MLLT1: variants seen among roughly 807,000 people sequenced by gnomAD.
MLLT1 encodes the protein protein ENL.
In MLLT1, 11 loss-of-function variants were observed where a neutral mutation model predicts 55.1. That is an observed-to-expected ratio of 0.20 (90% CI 0.13 to 0.33). MLLT1 has a LOEUF of 0.33. Ranked by LOEUF, MLLT1 falls within the 10% of genes least tolerant of loss-of-function variation. MLLT1 has a pLI of 1.00. For synonymous variants in MLLT1, 323 were observed against 320.1 expected, an observed-to-expected ratio of 1.01 and a Z score of -0.10; for missense variants, 536 against 760.6, an observed-to-expected ratio of 0.70 and a Z score of 3.47.
intron 2 of MLLT1, among the ~76,000 whole-genome samples, chr19:6,267,343 AT>A (rs1225692040): frequency 6.6e-6 from 1 of 151,566 alleles, no homozygotes; most frequent in Non-Finnish European, 1.5e-5. Flanking sequence ...ACCTCAGGTG[AT>A]CCACCCGTCT....
rs141540024 is a variant in MLLT1 at position 6,211,348 on chromosome 19, G to A, written c.*1694C>T. 33 of 233,048 alleles carry A rather than the reference G, an allele frequency of 1.4e-4. No individual in the cohort carries two copies. Among genetic ancestry groups the A allele is most frequent in the African/African-American group, 2.9e-4 (13 of 45,396 alleles). 14.4% of individuals were successfully genotyped at this position (233,048 alleles called of 1,614,324 possible). Reference sequence around the variant, plus strand: ...AACAGAGCAGGTGGCGAGGAGTCCCGGAGGCTTCCTCCGAAGGTTCTCGGG... The same window carrying A: ...AACAGAGCAGGTGGCGAGGAGTCCCAGAGGCTTCCTCCGAAGGTTCTCGGG... On this transcript the variant is annotated 3_prime_UTR_variant, in exon 12 of 12. Transcript: ENST00000252674. The surrounding 1 kb of genome is among the most constrained non-coding windows in gnomAD (Gnocchi z 4.6).
At chr19:6,215,543 C>T (rs1049859436) in intron 8 of MLLT1, among the ~76,000 whole-genome samples, 18 of 152,312 alleles carry the variant, frequency 1.2e-4, no homozygotes, top group African/African-American at 4.1e-4. Flanking sequence ...GCTGGCCTGG[C>T]GCGCTGCACA....
intron 1 of MLLT1, among the ~76,000 whole-genome samples, chr19:6,272,083 A>G (rs181021444): frequency 0.02 from 1,601 of 79,964 alleles, 29 homozygotes; most frequent in African/African-American, 0.067. Flanking sequence ...TATCGCCCCC[A>G]CCCCCGCCCG....
At position 6,211,844 on chromosome 19, in the gene MLLT1, T is replaced by C. The variant is rs2090775520; in HGVS notation, c.*1198A>G. On this transcript the variant is annotated 3_prime_UTR_variant, in exon 12 of 12. Coordinates refer to ENST00000252674, the MANE Select transcript of MLLT1 (RefSeq NM_005934.4). This position sits in a 1 kb window ranked among gnomAD's most constrained non-coding sequence, Gnocchi z 4.6. ...CTTGGCCCCTGGAGAATCTCAGGCA[T>C]ACCAGGAGTGGGGCTGCGGGCGCGG... 17 of 1,063,088 alleles carry C rather than the reference T, an allele frequency of 1.6e-5. No individual in the cohort carries two copies. The highest frequency in any genetic ancestry group is 3.3e-5 in the African/African-American group (2 of 60,896). 65.9% of individuals were successfully genotyped at this position (1,063,088 alleles called of 1,614,324 possible).
intron 1 of MLLT1, among the ~76,000 whole-genome samples, chr19:6,271,698 A>G (rs2091396193): frequency 6.6e-6 from 1 of 152,184 alleles, no homozygotes; most frequent in Admixed American, 6.5e-5. Flanking sequence ...CGGCCCTGAC[A>G]CCCGCTATCA....
chr19:6,243,893 A>G (rs1191955985), intron 3 of MLLT1, among the ~76,000 whole-genome samples: 1 of 151,794 alleles, frequency 6.6e-6, no homozygotes, highest in African/African-American at 2.4e-5. Flanking sequence ...AATACAAAAA[A>G]ATTAGCCAGG....
Position 6,216,353 on chromosome 19 carries a change from G to A in MLLT1, c.1307+52C>T, listed in dbSNP as rs897138455. On this transcript the variant is annotated intron_variant, in intron 8 of 11. Coordinates refer to ENST00000252674, the MANE Select transcript of MLLT1 (RefSeq NM_005934.4). ...CCCCACAATCACTGCAGACCCAGCCGGAGTCGCCCCGGGTGGCCGCCTCCG... is the reference window on the plus strand; with the variant it reads ...CCCCACAATCACTGCAGACCCAGCCAGAGTCGCCCCGGGTGGCCGCCTCCG... The A allele has an allele frequency of 2.2e-5, 29 of 1,344,110 alleles. No individual in the cohort carries two copies. The East Asian group carries it at 2.2e-4, about 10-fold the overall frequency. 83.3% of individuals were successfully genotyped at this position (1,344,110 alleles called of 1,614,324 possible). A position where few individuals can be genotyped will look rare whatever the true frequency, so the allele number is the denominator to read the frequency against.
At chr19:6,224,581 G>A (rs2090935728) in intron 5 of MLLT1, among the ~76,000 whole-genome samples, 1 of 152,250 alleles carries the variant, frequency 6.6e-6, no homozygotes, top group Non-Finnish European at 1.5e-5. Context: ...CCCTAACACA[G>A]GTCTCACTGT....
rs570177885 is a variant in MLLT1 at position 6,219,142 on chromosome 19, G to C, written c.1111-1101C>G. Among the ~76,000 whole-genome samples the C allele has an allele frequency of 6.6e-6, 1 of 152,240 alleles. No individual in the cohort carries two copies. The highest frequency in any genetic ancestry group is 2.1e-4 in the South Asian group (1 of 4,826). On this transcript the variant is annotated intron_variant, in intron 6 of 11. Transcript: ENST00000252674. The surrounding 1 kb of genome is among the most constrained non-coding windows in gnomAD (Gnocchi z 4.5). ...GAGACAGCCTCCACCCTGCAGAAGGGTCCCCACGAAAGCCCAAGGCCTCCC... is the reference window on the plus strand; with the variant it reads ...GAGACAGCCTCCACCCTGCAGAAGGCTCCCCACGAAAGCCCAAGGCCTCCC...
chr19:6,271,939 T>C (rs1488097047), intron 1 of MLLT1, among the ~76,000 whole-genome samples: 4 of 152,248 alleles, frequency 2.6e-5, no homozygotes, highest in African/African-American at 7.2e-5. Flanking sequence ...CTGTCTCTTC[T>C]TTGGCATTTC....
intron 8 of MLLT1, among the ~76,000 whole-genome samples, chr19:6,214,686 C>T (rs1176287845): frequency 6.6e-6 from 1 of 152,184 alleles, no homozygotes; most frequent in Non-Finnish European, 1.5e-5. Context: ...CCATTTTTCT[C>T]TCACTCTGCG....
chr19:6,245,381 C>T (rs562635389), intron 3 of MLLT1, among the ~76,000 whole-genome samples: 9 of 151,502 alleles, frequency 5.9e-5, no homozygotes, highest in Admixed American at 1.3e-4. Context: ...TATAAGCCGC[C>T]GTGCCCAGCC....
At chr19:6,241,092 G>A (rs1218337174) in intron 3 of MLLT1, among the ~76,000 whole-genome samples, 1 of 152,202 alleles carries the variant, frequency 6.6e-6, no homozygotes, top group Non-Finnish European at 1.5e-5. Flanking sequence ...GCCCATGAAA[G>A]TCACCGGCCC....
intron 3 of MLLT1, among the ~76,000 whole-genome samples, chr19:6,232,952 C>T (rs1465262581): frequency 1.3e-5 from 2 of 152,216 alleles, no homozygotes; most frequent in African/African-American, 2.4e-5. Flanking sequence ...GGGAACACTG[C>T]TGAGAAGCTC....
intron 3 of MLLT1, among the ~76,000 whole-genome samples, chr19:6,243,154 G>A (rs2091131738): frequency 1.3e-5 from 2 of 152,242 alleles, no homozygotes; most frequent in African/African-American, 2.4e-5. Flanking sequence ...AAGCGGGAAC[G>A]TGGCGGGGTC....
At chr19:6,233,457 C>T (rs923222342) in intron 3 of MLLT1, among the ~76,000 whole-genome samples, 3 of 152,172 alleles carry the variant, frequency 2.0e-5, no homozygotes, top group Admixed American at 6.5e-5. Flanking sequence ...CAGCCCCAGG[C>T]GGGGAGGTGT....
rs929896931 is a variant in MLLT1, at chr19:6,273,247, T to C, written c.13-2488A>G. On this transcript the variant is annotated intron_variant, in intron 1 of 11. Coordinates refer to ENST00000252674, the MANE Select transcript of MLLT1 (RefSeq NM_005934.4). This position sits in a 1 kb window ranked among gnomAD's most constrained non-coding sequence, Gnocchi z 4.3. ...GCAAACTAACAGCAACCCCAGCCCA[T>C]GAGGAGGCAACCAGAAGGAGTGGCT... Among the ~76,000 whole-genome samples, 13 of 151,872 alleles carry C rather than the reference T, an allele frequency of 8.6e-5. No individual in the cohort carries two copies. The highest frequency in any genetic ancestry group is 1.3e-4 in the Non-Finnish European group (9 of 67,940).
At position 6,273,223 on chromosome 19, in the gene MLLT1, C is replaced by T. The variant is rs561735921; in HGVS notation, c.13-2464G>A. Among the ~76,000 whole-genome samples the T allele has an allele frequency of 1.3e-5, 2 of 152,194 alleles. No individual in the cohort carries two copies. The highest frequency in any genetic ancestry group is 3.9e-4 in the East Asian group (2 of 5,174). The stretch of plus-strand genomic sequence containing the variant: ...GGTGCAGGCAGAAAAGGGCGAATGG[C>T]AAACTAACAGCAACCCCAGCCCATG... On this transcript the variant is annotated intron_variant, in intron 1 of 11. Coordinates refer to ENST00000252674, the MANE Select transcript of MLLT1 (RefSeq NM_005934.4). This position sits in a 1 kb window ranked among gnomAD's most constrained non-coding sequence, Gnocchi z 4.3.
intron 3 of MLLT1, among the ~76,000 whole-genome samples, chr19:6,242,239 G>A (rs1408382559): frequency 6.6e-6 from 1 of 152,284 alleles, no homozygotes; most frequent in East Asian, 1.9e-4. Context: ...AGAGGGTGGC[G>A]GCTATGGAGG....
Sources: gnomAD v4.1 joint callset for allele counts (sites outside exome capture counted in the v4.1 genomes callset) on GRCh38, gnomAD v4.1.1 for gene constraint, Gnocchi (gnomAD v3.1) non-coding constraint, MANE v1.5 for transcripts, NCBI Gene and HGNC (gene_info 2026-07-23, HGNC 2026-07-21) for gene names.